The following SBK1 variants were observed in gnomAD, a reference collection of about 807,000 sequenced individuals.
SBK1 encodes SH3 domain binding kinase 1.
A neutral mutation model predicts 24.4 loss-of-function variants in SBK1; 11 were observed. The observed-to-expected ratio is 0.45, with a 90% CI of 0.28 to 0.75. SBK1 has a LOEUF of 0.75. Ranked by LOEUF, SBK1 falls within the 30% of genes least tolerant of loss-of-function variation. The pLI, the probability that SBK1 is intolerant of heterozygous loss-of-function variation, is 0.12. For synonymous variants in SBK1, 308 were observed against 284.4 expected (o/e 1.08, Z -0.83); for missense variants, 467 against 620.5 (o/e 0.75, Z 2.63).
At chr16:28,297,882 G>C (rs1334379378) in intron 1 of SBK1, among the ~76,000 whole-genome samples, 1 of 152,176 alleles carries the variant, frequency 6.6e-6, no homozygotes, top group Non-Finnish European at 1.5e-5. Flanking sequence ...TTGTGAAGTG[G>C]AGCTTGCCCC....
intron 1 of SBK1, among the ~76,000 whole-genome samples, chr16:28,295,688 T>C (rs1162653102): frequency 6.6e-6 from 1 of 152,128 alleles, no homozygotes. Context: ...TGTTTGTCTT[T>C]GTTGTGAGTG....
At position 28,320,932 on chromosome 16, in the gene SBK1, C is replaced by G; in HGVS notation, c.*11C>G. The G allele has an allele frequency of 1.4e-6, 2 of 1,432,990 alleles. No homozygotes were observed. The highest frequency in any genetic ancestry group is 1.8e-6 in the Non-Finnish European group (2 of 1,095,008). 88.8% of individuals were successfully genotyped at this position (1,432,990 alleles called of 1,614,324 possible). A position where few individuals can be genotyped will look rare whatever the true frequency, so the allele number is the denominator to read the frequency against. On this transcript the variant is annotated 3_prime_UTR_variant, in exon 4 of 4. Transcript: ENST00000341901. The surrounding 1 kb of genome is among the most constrained non-coding windows in gnomAD (Gnocchi z 8.5). ...GAGATCTGCGTCTGAGTCGCCTCCG[C>G]CGCCCTCGGACCCGGGAGCAGCCCG... is the stretch of plus-strand genomic sequence containing the variant.
rs966440260 is a variant in SBK1, at chr16:28,292,528, G to T, written c.-780G>T. 3.5e-5 allele frequency: 34 copies of T among 979,180 alleles called. No individual in the cohort carries two copies. Among genetic ancestry groups the T allele is most frequent in the Non-Finnish European group, 4.1e-5 (34 of 827,188 alleles). The allele number at this position is 979,180 out of a possible 1,614,324, so 60.7% of individuals were successfully genotyped here. Reference sequence around the variant, plus strand: ...GCTGGCTGGAGGGCGGAGCCGCGATGCCGCGATGGAGCGCAGCCCGGGCGG... The same window carrying T: ...GCTGGCTGGAGGGCGGAGCCGCGATTCCGCGATGGAGCGCAGCCCGGGCGG... On this transcript the variant is annotated 5_prime_UTR_variant, in exon 1 of 4. The change abolishes an upstream ATG in the 5' untranslated region. Transcript: ENST00000341901.
At chr16:28,303,564 GAGTGC>G (rs1161449861) in intron 1 of SBK1, among the ~76,000 whole-genome samples, 1 of 126,802 alleles carries the variant, frequency 7.9e-6, no homozygotes, top group East Asian at 2.3e-4. Flanking sequence ...ACCCAGACTG[GAGTGC>G]AGTGGTGCAA....
Position 28,320,965 on chromosome 16 carries a change from C to A in SBK1, c.*44C>A. The A allele has an allele frequency of 7.4e-7, 1 of 1,348,842 alleles. No homozygotes were observed. 83.6% of individuals were successfully genotyped at this position (1,348,842 alleles called of 1,614,324 possible). ...GGACCCGGGAGCAGCCCGGGCCCGC[C>A]CCGAGCCGGTGCCCGGTGCGGCGGT... On this transcript the variant is annotated 3_prime_UTR_variant, in exon 4 of 4. Transcript: ENST00000341901. This position sits in a 1 kb window ranked among gnomAD's most constrained non-coding sequence, Gnocchi z 8.5.
intron 1 of SBK1, among the ~76,000 whole-genome samples, chr16:28,269,045 T>C (rs1307125855): frequency 6.6e-6 from 1 of 150,470 alleles, no homozygotes; most frequent in Non-Finnish European, 1.5e-5. Context: ...TTTTTTTTTT[T>C]TTTTTTGAGA....
At chr16:28,275,167 C>T (rs907836577) in intron 1 of SBK1, among the ~76,000 whole-genome samples, 1 of 151,946 alleles carries the variant, frequency 6.6e-6, no homozygotes, top group Non-Finnish European at 1.5e-5. Flanking sequence ...CCCATCTCTA[C>T]AAAAAATTAC....
At chr16:28,296,518 A>G (rs2044642004) in intron 1 of SBK1, among the ~76,000 whole-genome samples, 1 of 152,148 alleles carries the variant, frequency 6.6e-6, no homozygotes, top group African/African-American at 2.4e-5. Flanking sequence ...GATTACAGCC[A>G]CCACACACAG....
Position 28,319,294 on chromosome 16 carries a change from A to C in SBK1, c.429+97A>C. 1 of 906,524 alleles carries C rather than the reference A, an allele frequency of 1.1e-6. No individual in the cohort carries two copies. The highest frequency in any genetic ancestry group is 2.6e-5 in the East Asian group (1 of 38,746). The allele number at this position is 906,524 out of a possible 1,614,324, so 56.2% of individuals were successfully genotyped here. On this transcript the variant is annotated intron_variant, in intron 3 of 3. Coordinates refer to ENST00000341901, the MANE Select transcript of SBK1 (RefSeq NM_001024401.3). The surrounding 1 kb of genome is among the most constrained non-coding windows in gnomAD (Gnocchi z 4.0). ...CAGACCATTTAATTAACAAGTATTT[A>C]CTGGGTGCCTGCTGTATGTCAGTTA...
chr16:28,263,635 T>C (rs1272306862), intron 1 of SBK1, among the ~76,000 whole-genome samples: 3 of 152,178 alleles, frequency 2.0e-5, no homozygotes, highest in Admixed American at 2.0e-4. Flanking sequence ...ATGGATTTTG[T>C]TCCAGAAGGA....
At chr16:28,278,857 C>T (rs1005460246) in intron 1 of SBK1, among the ~76,000 whole-genome samples, 6 of 152,204 alleles carry the variant, frequency 3.9e-5, no homozygotes, top group Admixed American at 6.5e-5. Context: ...AGGTGTACAG[C>T]GACGTGGTCC....
intron 1 of SBK1, among the ~76,000 whole-genome samples, chr16:28,306,602 T>A (rs2044718136): frequency 6.6e-6 from 1 of 152,210 alleles, no homozygotes; most frequent in South Asian, 2.1e-4. Context: ...TGGTCAGGGC[T>A]CCAACATTTC....
At chr16:28,265,877 G>A (rs1363230150) in intron 1 of SBK1, among the ~76,000 whole-genome samples, 2 of 151,752 alleles carry the variant, frequency 1.3e-5, no homozygotes. Context: ...GGGAGGCTAA[G>A]GCAGGAGAAT....
intron 1 of SBK1, among the ~76,000 whole-genome samples, chr16:28,266,736 T>C (rs138711263): frequency 0.23 from 29,150 of 127,014 alleles, 3,333 homozygotes; most frequent in Non-Finnish European, 0.3. Flanking sequence ...TTCTTTTCTT[T>C]TTTTTTTTTT....
At chr16:28,287,917 G>A (rs1352559935), upstream of SBK1, among the ~76,000 whole-genome samples, 3 of 152,146 alleles carry the variant, frequency 2.0e-5, no homozygotes, top group African/African-American at 7.2e-5. Context: ...TGCCCACCTT[G>A]GCCTCCCAAA....
intron 1 of SBK1, among the ~76,000 whole-genome samples, chr16:28,298,850 C>T (rs2044659860): frequency 6.6e-6 from 1 of 152,252 alleles, no homozygotes; most frequent in South Asian, 2.1e-4. Context: ...GACCATCCTC[C>T]TCCTTCTGAT....
At chr16:28,266,106 G>T (rs756772445) in intron 1 of SBK1, among the ~76,000 whole-genome samples, 1 of 152,148 alleles carries the variant, frequency 6.6e-6, no homozygotes, top group Non-Finnish European at 1.5e-5. Flanking sequence ...GAGTGCAGTG[G>T]CTCACAACTG....
rs1447847573 is a variant in SBK1 at position 28,323,476 on chromosome 16, A to AC, written c.*2559dup. The AC allele has an allele frequency of 6.6e-6, 1 of 152,562 alleles. No individual in the cohort carries two copies. Among genetic ancestry groups the AC allele is most frequent in the African/African-American group, 2.4e-5 (1 of 41,334 alleles). 9.5% of individuals were successfully genotyped at this position (152,562 alleles called of 1,614,324 possible). ...CCCTGTCCTTCGGTGCTTCCCAGAG[A>AC]CCCCTCTGAGCTGGCCTGTGGGGCA... On this transcript the variant is annotated 3_prime_UTR_variant, in exon 4 of 4. Transcript: ENST00000341901.
chr16:28,299,453 A>C (rs916219833), intron 1 of SBK1, among the ~76,000 whole-genome samples: 1 of 152,170 alleles, frequency 6.6e-6, no homozygotes, highest in Non-Finnish European at 1.5e-5. Flanking sequence ...TACCATTCAC[A>C]CATGGTCCAC....
Sources: allele counts gnomAD v4.1 joint callset (sites outside exome capture counted in the v4.1 genomes callset), GRCh38; gene constraint gnomAD v4.1.1; non-coding constraint Gnocchi (gnomAD v3.1); transcripts MANE v1.5; gene names NCBI Gene and HGNC (gene_info 2026-07-23, HGNC 2026-07-21).